ZC3H12B: variants seen among roughly 807,000 people sequenced by gnomAD.
The protein encoded by ZC3H12B is probable ribonuclease ZC3H12B.
ZC3H12B carries 7 observed loss-of-function variants against 43.9 expected under a neutral mutation model. That is an observed-to-expected ratio of 0.16 (90% CI 0.09 to 0.30). ZC3H12B has a LOEUF of 0.30. Among genes scored for constraint, ZC3H12B ranks in the 10% least tolerant of loss-of-function variants. ZC3H12B has a pLI of 1.00. For missense variants in ZC3H12B, 475 were observed against 670.2 expected, an observed-to-expected ratio of 0.71 and a Z score of 3.22; for synonymous variants, 222 against 241.7, an observed-to-expected ratio of 0.92 and a Z score of 0.76.
chrX:65,310,203 T>C, the ZC3H12B span, among the ~76,000 whole-genome samples: 3 of 111,734 alleles, frequency 2.7e-5, no homozygotes. Context: ...AAAGAGGAAG[T>C]CAAATTGTCC....
At chrX:65,061,658 T>C in the ZC3H12B span, among the ~76,000 whole-genome samples, 1 of 112,571 alleles carries the variant, frequency 8.9e-6, no homozygotes, top group Non-Finnish European at 1.9e-5. Flanking sequence ...GTAGAATGAC[T>C]TGTAATCCTT....
In ZC3H12B at chrX:65,399,958, T is replaced by C. The variant is rs186211445; in HGVS notation, n.407+1254T>C. 3.9e-4 allele frequency among the ~76,000 whole-genome samples: 43 copies of C among 111,112 alleles called. 1 individual carries two copies. The East Asian group carries it at 7.3e-3, about 19-fold the overall frequency. On this transcript the variant is annotated intron_variant and non_coding_transcript_variant, in intron 3 of 5. Coordinates refer to the ZC3H12B transcript ENST00000617377. ...GACAAATATCCCATTTTCTCACTTATTTGTGGGATCTAAAAATAAAAACAA... is the reference window on the plus strand; with the variant it reads ...GACAAATATCCCATTTTCTCACTTACTTGTGGGATCTAAAAATAAAAACAA...
the ZC3H12B span, among the ~76,000 whole-genome samples, chrX:65,195,494 G>A: frequency 7.2e-5 from 8 of 111,734 alleles, no homozygotes; most frequent in East Asian, 1.4e-3. Flanking sequence ...TTAACTTTTT[G>A]TTGTTTCTAT....
chrX:65,302,685 A>G, the ZC3H12B span, among the ~76,000 whole-genome samples: 1 of 112,084 alleles, frequency 8.9e-6, no homozygotes, highest in South Asian at 3.7e-4. Flanking sequence ...AGAAGGCAAA[A>G]GACCCAGAAT....
chrX:65,376,486 C>A (rs773550499), intron 2 of ZC3H12B, among the ~76,000 whole-genome samples: 3 of 111,474 alleles, frequency 2.7e-5, no homozygotes, highest in Non-Finnish European at 5.6e-5. Flanking sequence ...GTTTTGCTGG[C>A]CTCAGGTCTG....
At chrX:65,213,414 T>G in the ZC3H12B span, among the ~76,000 whole-genome samples, 1 of 111,456 alleles carries the variant, frequency 9.0e-6, no homozygotes, top group Non-Finnish European at 1.9e-5. Flanking sequence ...CGGGATCACT[T>G]GGCTCATAGG....
chrX:65,500,026 C>T (rs377085002), intron 4 of ZC3H12B, 37 bp downstream of exon 9: 8 of 1,030,268 alleles, frequency 7.8e-6, no homozygotes, highest in Middle Eastern at 2.5e-4. Context: ...TCTGTACCAC[C>T]GGAAACATAA....
At chrX:65,197,583 G>T in the ZC3H12B span, among the ~76,000 whole-genome samples, 14 of 111,753 alleles carry the variant, frequency 1.3e-4, no homozygotes, top group African/African-American at 4.6e-4. Flanking sequence ...TAATTACAGG[G>T]TTATTCATTT....
At chrX:65,100,447 G>A in the ZC3H12B span, among the ~76,000 whole-genome samples, 237 of 106,990 alleles carry the variant, frequency 2.2e-3, 1 homozygote, top group Admixed American at 4.1e-3. Context: ...AGAGTGGCAA[G>A]TTGGATAAAG....
At chrX:65,338,083 G>C in the ZC3H12B span, among the ~76,000 whole-genome samples, 1 of 112,042 alleles carries the variant, frequency 8.9e-6, no homozygotes, top group South Asian at 3.7e-4. Flanking sequence ...CTAGCTGATT[G>C]CTTTATAGTT....
intron 3 of ZC3H12B, among the ~76,000 whole-genome samples, chrX:65,443,295 G>T (rs1298125927): frequency 3.6e-5 from 4 of 110,802 alleles, no homozygotes; most frequent in Non-Finnish European, 7.6e-5. Flanking sequence ...CCATCGCTCC[G>T]GTGCCCCTTC....
chrX:65,315,441 C>G, the ZC3H12B span, among the ~76,000 whole-genome samples: 1 of 111,339 alleles, frequency 9.0e-6, no homozygotes, highest in Admixed American at 9.6e-5. Flanking sequence ...AAGAAGGATA[C>G]TGTAAATGTT....
the ZC3H12B span, among the ~76,000 whole-genome samples, chrX:65,171,032 T>G: frequency 1.8e-5 from 2 of 112,211 alleles, no homozygotes; most frequent in South Asian, 3.7e-4. Flanking sequence ...TGAAGCCTTC[T>G]TCTCTCAACT....
At chrX:65,316,355 G>A in the ZC3H12B span, among the ~76,000 whole-genome samples, 1 of 111,533 alleles carries the variant, frequency 9.0e-6, no homozygotes, top group African/African-American at 3.3e-5. Flanking sequence ...AATAGTCATC[G>A]GATTCTGCAA....
the ZC3H12B span, among the ~76,000 whole-genome samples, chrX:65,268,671 C>T: frequency 8.9e-6 from 1 of 112,236 alleles, no homozygotes; most frequent in Admixed American, 9.4e-5. Context: ...TCAATTGATA[C>T]AGAAAAATAA....
intron 3 of ZC3H12B, among the ~76,000 whole-genome samples, chrX:65,476,732 C>T (rs1280213997): frequency 9.0e-6 from 1 of 111,048 alleles, no homozygotes; most frequent in Non-Finnish European, 1.9e-5. Flanking sequence ...AAATCCAGCA[C>T]CATATTGGAT....
the ZC3H12B span, among the ~76,000 whole-genome samples, chrX:65,197,597 G>A: frequency 8.9e-6 from 1 of 111,946 alleles, no homozygotes; most frequent in East Asian, 2.8e-4. Context: ...TTCATTTTAT[G>A]GGTGATATTC....
chrX:65,079,223 C>A, the ZC3H12B span, among the ~76,000 whole-genome samples: 1 of 112,870 alleles, frequency 8.9e-6, no homozygotes, highest in Non-Finnish European at 1.9e-5. Flanking sequence ...ACTAGACAGA[C>A]GTCTAAGGTT....
chrX:65,106,254 G>T, the ZC3H12B span, among the ~76,000 whole-genome samples: 1 of 111,703 alleles, frequency 9.0e-6, no homozygotes, highest in East Asian at 2.8e-4. Context: ...AGCATTTAAA[G>T]GTATAAATTA....
Sources: gnomAD v4.1 joint callset for allele counts (sites outside exome capture counted in the v4.1 genomes callset) on GRCh38, gnomAD v4.1.1 for gene constraint, MANE v1.5 for transcripts, NCBI Gene and HGNC (gene_info 2026-07-23, HGNC 2026-07-21) for gene names.